LTB4R: variants seen among roughly 807,000 people sequenced by gnomAD.
LTB4R encodes leukotriene B4 receptor 1.
For missense variants in LTB4R, 470 were observed against 485.6 expected (o/e 0.97, Z 0.30); for synonymous variants, 250 against 230.7 (o/e 1.08, Z -0.76).
intron 1 of LTB4R, among the ~76,000 whole-genome samples, chr14:24,312,849 A>G (rs1251592278): frequency 6.6e-6 from 1 of 152,108 alleles, no homozygotes; most frequent in Non-Finnish European, 1.5e-5. Context: ...TTGGCCTGGA[A>G]CTTTCCCAGT....
Position 24,316,321 on chromosome 14 carries a change from G to T in LTB4R, c.670G>T (p.Val224Leu). ...CAGCCGCCGCACCGGCCGCCTGGTGGTGCTCATCATCCTGACCTTCGCCGC... is the reference window on the plus strand; with the variant it reads ...CAGCCGCCGCACCGGCCGCCTGGTGTTGCTCATCATCCTGACCTTCGCCGC... ...RRSRRTGRLV[V>L]LIILTFAAFW... The change falls in exon 2 of 2, where the codon GTG becomes TTG. Residue 224 changes from valine to leucine, a missense_variant. Transcript: ENST00000345363. 6.2e-7 allele frequency: 1 copy of T among 1,601,272 alleles called. No individual in the cohort carries two copies. The highest frequency in any genetic ancestry group is 1.1e-5 in the South Asian group (1 of 90,304).
In LTB4R at chr14:24,316,057, C is replaced by T; in HGVS notation, c.406C>T (p.Arg136Trp). 6.2e-7 allele frequency: 1 copy of T among 1,613,248 alleles called. No individual in the cohort carries two copies. The change falls in exon 2 of 2, where the codon CGG (arginine) becomes TGG (tryptophan). Residue 136 changes from arginine (R) to tryptophan (W), a missense_variant. Transcript: ENST00000345363. Reference protein sequence around the residue: ...QKLRTKAMARRVLAGIWVLSF... With the variant: ...QKLRTKAMARWVLAGIWVLSF... ...GCTACGCACCAAGGCGATGGCCCGG[C>T]GGGTGCTGGCAGGCATCTGGGTGTT...
In LTB4R at chr14:24,317,478, G is replaced by C. The variant is rs571390660; in HGVS notation, c.*768G>C. 2 of 167,158 alleles carry C rather than the reference G, an allele frequency of 1.2e-5. No homozygotes were observed. The highest frequency in any genetic ancestry group is 3.9e-4 in the East Asian group (2 of 5,192). 10.4% of individuals were successfully genotyped at this position (167,158 alleles called of 1,614,324 possible). A position where few individuals can be genotyped will look rare whatever the true frequency, so the allele number is the denominator to read the frequency against. On this transcript the variant is annotated 3_prime_UTR_variant, in exon 2 of 2. Transcript: ENST00000345363. Reference sequence around the variant, plus strand: ...ACCCTGGCACAGGGTGGGGCTGAGGGCCCCAGGAAACAAAGATTCCCAAAA... The same window carrying C: ...ACCCTGGCACAGGGTGGGGCTGAGGCCCCCAGGAAACAAAGATTCCCAAAA...
rs771113104 is a variant in LTB4R at position 24,316,675 on chromosome 14, G to C, written c.1024G>C (p.Ala342Pro). 2.1e-5 allele frequency: 33 copies of C among 1,540,992 alleles called. No individual in the cohort carries two copies. The highest frequency in any genetic ancestry group is 2.4e-5 in the Non-Finnish European group (28 of 1,144,366). The change falls in exon 2 of 2, where the codon GCC (alanine) becomes CCC (proline). Residue 342 changes from alanine to proline, a missense_variant. Ala to Pro is a conservative substitution (Grantham distance 27, BLOSUM62 -1). Coordinates refer to ENST00000345363, the MANE Select transcript of LTB4R (RefSeq NM_001143919.3). ...LEPGPSESLT[A>P]SSPLKLNELN ...GCCCGGCCCTTCCGAGAGCCTCACT[G>C]CCTCCAGCCCTCTCAAGTTAAACGA... is the stretch of plus-strand genomic sequence containing the variant.
At chr14:24,313,480 C>T (rs1234581384) in intron 1 of LTB4R, 1 of 152,088 alleles carries the variant, frequency 6.6e-6, no homozygotes, top group East Asian at 1.9e-4. Context: ...GTTAAGGGAC[C>T]TCAGTGGCCA....
intron 1 of LTB4R, 115 bp from the exon 2 acceptor site, chr14:24,315,522 C>A: frequency 1.5e-6 from 1 of 653,368 alleles, no homozygotes; most frequent in South Asian, 1.9e-5. Flanking sequence ...TTCAGGGGGA[C>A]CTCTGATGCT....
Position 24,316,323 on chromosome 14 carries a change from G to C in LTB4R, c.672G>C (p.Val224=), listed in dbSNP as rs1428830724. ...RRSRRTGRLV[V]LIILTFAAFW... ...GCCGCCGCACCGGCCGCCTGGTGGT[G>C]CTCATCATCCTGACCTTCGCCGCCT... The change falls in exon 2 of 2, where the codon GTG becomes GTC. Residue 224 remains valine, a synonymous_variant. Transcript: ENST00000345363. 1 of 1,600,880 alleles carries C rather than the reference G, an allele frequency of 6.2e-7. No individual in the cohort carries two copies. Among genetic ancestry groups the C allele is most frequent in the Non-Finnish European group, 8.5e-7 (1 of 1,175,536 alleles).
In LTB4R at chr14:24,315,934, T is replaced by G; in HGVS notation, c.283T>G (p.Tyr95Asp). The G allele has an allele frequency of 6.2e-7, 1 of 1,614,192 alleles. No homozygotes were observed. Among genetic ancestry groups the G allele is most frequent in the Non-Finnish European group, 8.5e-7 (1 of 1,180,050 alleles). Residue 95 changes from tyrosine (Y) to aspartate (D), a missense_variant, in exon 2 of 2, where the codon TAT becomes GAT. By Grantham distance (160) the Tyr-to-Asp change is radical. Transcript: ENST00000345363. Reference protein sequence around the residue: ...FGLAGCRLCHYVCGVSMYASV... With the variant: ...FGLAGCRLCHDVCGVSMYASV... ...ACTGGCTGGTTGCCGCCTGTGTCAC[T>G]ATGTCTGCGGAGTCAGCATGTACGC...
chr14:24,312,873 ACTC>A (rs2041732047), intron 1 of LTB4R, among the ~76,000 whole-genome samples: 1 of 150,542 alleles, frequency 6.6e-6, no homozygotes, highest in Admixed American at 6.6e-5. Context: ...AGCACTGAAA[ACTC>A]CTTGTCCCAG....
intron 1 of LTB4R, chr14:24,313,564 G>C (rs148027273): frequency 7.1e-6 from 1 of 141,760 alleles, no homozygotes. Flanking sequence ...CAGATTGAAG[G>C]AAGGACTTTT....
rs1422745696 is a variant in LTB4R at position 24,311,711 on chromosome 14, G to A, written c.-109G>A. 1 of 1,601,852 alleles carries A rather than the reference G, an allele frequency of 6.2e-7. No homozygotes were observed. The highest frequency in any genetic ancestry group is 1.1e-5 in the South Asian group (1 of 90,256). Reference sequence around the variant, plus strand: ...GCAATGGAGACCCGGGGGGTGGGATGGAGAAGGACGGTCCGGAATGGGACC... The same window carrying A: ...GCAATGGAGACCCGGGGGGTGGGATAGAGAAGGACGGTCCGGAATGGGACC... On this transcript the variant is annotated 5_prime_UTR_variant, in exon 1 of 2. An upstream start codon of the reference 5' UTR is lost. Coordinates refer to ENST00000345363, the MANE Select transcript of LTB4R (RefSeq NM_001143919.3).
In LTB4R at chr14:24,315,621, C is replaced by T. The variant is rs750081140; in HGVS notation, c.-15-16C>T. The T allele has an allele frequency of 5.9e-5, 92 of 1,558,110 alleles. 1 individual carries two copies. Among genetic ancestry groups the T allele is most frequent in the Non-Finnish European group, 7.2e-5 (82 of 1,135,456 alleles). Reference sequence around the variant, plus strand: ...GGTCCTCTACTCTCATGCGTGTGTCCGCCCTCACTCTCCAGGTCCTCCCGA... The same window carrying T: ...GGTCCTCTACTCTCATGCGTGTGTCTGCCCTCACTCTCCAGGTCCTCCCGA... On this transcript the variant is annotated splice_polypyrimidine_tract_variant and intron_variant, in intron 1 of 1. Transcript: ENST00000345363.
intron 1 of LTB4R, chr14:24,314,064 C>G (rs144356454): frequency 1.3e-5 from 2 of 152,190 alleles, no homozygotes; most frequent in Admixed American, 1.3e-4. Context: ...CCTGCCAGCT[C>G]GGCCTCAACT....
At position 24,315,933 on chromosome 14, in the gene LTB4R, C is replaced by T; in HGVS notation, c.282C>T (p.His94=). ...GACTGGCTGGTTGCCGCCTGTGTCA[C>T]TATGTCTGCGGAGTCAGCATGTACG... The part of the protein sequence containing the change: ...SFGLAGCRLC[H]YVCGVSMYAS... Residue 94 remains histidine (H), a synonymous_variant, in exon 2 of 2, where the codon CAC becomes CAT. Coordinates refer to ENST00000345363, the MANE Select transcript of LTB4R (RefSeq NM_001143919.3). The T allele has an allele frequency of 6.2e-7, 1 of 1,614,196 alleles. No individual in the cohort carries two copies. The highest frequency in any genetic ancestry group is 8.5e-7 in the Non-Finnish European group (1 of 1,180,054).
chr14:24,311,853 T>C, intron 1 of LTB4R, 49 bp downstream of exon 1: 1 of 1,017,796 alleles, frequency 9.8e-7, no homozygotes. Context: ...AGAGTTTGGA[T>C]CTGGCTGGGT....
chr14:24,311,604 G>A lies in LTB4R; in HGVS notation c.-216G>A. 6.2e-7 allele frequency: 1 copy of A among 1,612,514 alleles called. No individual in the cohort carries two copies. Among genetic ancestry groups the A allele is most frequent in the Non-Finnish European group, 8.5e-7 (1 of 1,180,016 alleles). On this transcript the variant is annotated 5_prime_UTR_variant, in exon 1 of 2. Coordinates refer to ENST00000345363, the MANE Select transcript of LTB4R (RefSeq NM_001143919.3). ...GCGGCTCTTCGAAGGCTCTGGGGAG[G>A]CCCGAGGGGGCGGCCGCTCTAGGGA...
rs931459858 is a variant in LTB4R, at chr14:24,316,195, C to T, written c.544C>T (p.Leu182=). 1.9e-6 allele frequency: 3 copies of T among 1,613,876 alleles called. No individual in the cohort carries two copies. Among genetic ancestry groups the T allele is most frequent in the Admixed American group, 3.3e-5 (2 of 60,036 alleles). ...YPSEGHRAFH[L]IFEAVTGFLL... is the part of the protein sequence containing the mutation. ...CAGCGAAGGGCACCGGGCCTTCCAT[C>T]TAATCTTCGAGGCTGTCACGGGCTT... The change falls in exon 2 of 2, where the codon CTA becomes TTA. Residue 182 remains leucine, a synonymous_variant. Transcript: ENST00000345363.
Position 24,311,596 on chromosome 14 carries a change from C to T in LTB4R, c.-224C>T, listed in dbSNP as rs2041707695. 1.2e-6 allele frequency: 2 copies of T among 1,612,320 alleles called. No homozygotes were observed. The highest frequency in any genetic ancestry group is 1.1e-5 in the South Asian group (1 of 91,088). On this transcript the variant is annotated 5_prime_UTR_variant, in exon 1 of 2. Coordinates refer to ENST00000345363, the MANE Select transcript of LTB4R (RefSeq NM_001143919.3). ...TTCCTCACGCGGCTCTTCGAAGGCTCTGGGGAGGCCCGAGGGGGCGGCCGC... is the reference window on the plus strand; with the variant it reads ...TTCCTCACGCGGCTCTTCGAAGGCTTTGGGGAGGCCCGAGGGGGCGGCCGC...
At chr14:24,315,604 ACT>A in intron 1 of LTB4R, 31 bp from the exon 2 acceptor site, 1 of 1,448,132 alleles carries the variant, frequency 6.9e-7, no homozygotes, top group Non-Finnish European at 9.6e-7. Flanking sequence ...TTGGTCCTCT[ACT>A]CTCATGCGTG....
Sources: gnomAD v4.1 joint callset for allele counts (sites outside exome capture counted in the v4.1 genomes callset) on GRCh38, gnomAD v4.1.1 for gene constraint, MANE v1.5 for transcripts, NCBI Gene and HGNC (gene_info 2026-07-23, HGNC 2026-07-21) for gene names.